Variants in BMP7 observed in about 807,000 individuals in gnomAD.
The protein encoded by BMP7 is osteogenic protein 1.
A neutral mutation model predicts 41.2 loss-of-function variants in BMP7; 12 were observed. The ratio of observed to expected loss-of-function variants is 0.29; its 90% confidence interval spans 0.19 to 0.47. The LOEUF (loss-of-function observed/expected upper bound fraction) is 0.47. BMP7 is among the 20% of genes least tolerant of loss of function. The pLI is 0.99. For missense variants in BMP7, 467 were observed against 606.0 expected (o/e 0.77, Z 2.41); for synonymous variants, 248 against 250.0 (o/e 0.99, Z 0.07).
intron 2 of BMP7, among the ~76,000 whole-genome samples, chr20:57,216,542 C>CTGAGGGCGAGGGGCTGTCTCT (rs1415002751): frequency 2.0e-5 from 3 of 148,062 alleles, no homozygotes; most frequent in East Asian, 2.0e-4. Context: ...GGGCTGTCTC[C>CTGAGGGCGAGGGGCTGTCTCT]TGAGGGCGAG....
intron 2 of BMP7, among the ~76,000 whole-genome samples, chr20:57,226,824 C>CTTTTTTT (rs36113686): frequency 8.1e-6 from 1 of 123,182 alleles, no homozygotes; most frequent in African/African-American, 3.2e-5. Context: ...TACTCAAAAA[C>CTTTTTTT]TTTTTTTTTT....
chr20:57,228,354 C>G lies in BMP7; in HGVS notation c.486G>C (p.Lys162Asn). ...CCGTGACAGCTTCCCCTTCTGGGAT[C>G]TTGGAAAGATCAAACCGGAACTCTC... ...HHREFRFDLSKIPEGEAVTAA... is the reference protein window; with the variant it reads ...HHREFRFDLSNIPEGEAVTAA... Residue 162 changes from lysine to asparagine, a missense_variant, in exon 2 of 7, where the codon AAG (lysine) becomes AAC (asparagine). By Grantham distance (94) the Lys-to-Asn change is moderately conservative. Transcript: ENST00000395863. This position sits in a 1 kb window ranked among gnomAD's most constrained non-coding sequence, Gnocchi z 4.5. 1 of 1,614,140 alleles carries G rather than the reference C, an allele frequency of 6.2e-7. No individual in the cohort carries two copies. The highest frequency in any genetic ancestry group is 8.5e-7 in the Non-Finnish European group (1 of 1,180,024).
intron 1 of BMP7, among the ~76,000 whole-genome samples, chr20:57,245,093 G>C (rs751982874): frequency 3.3e-5 from 5 of 152,112 alleles, no homozygotes; most frequent in Non-Finnish European, 7.3e-5. Context: ...ACAGTAATCA[G>C]CTTCATTTCT....
chr20:57,223,282 C>T (rs1438518923), intron 2 of BMP7, among the ~76,000 whole-genome samples: 2 of 152,016 alleles, frequency 1.3e-5, no homozygotes, highest in African/African-American at 2.4e-5. Flanking sequence ...TGTAAGACAG[C>T]TCATGGGTGA....
At chr20:57,220,976 T>C (rs997647560) in intron 2 of BMP7, among the ~76,000 whole-genome samples, 4 of 152,190 alleles carry the variant, frequency 2.6e-5, no homozygotes, top group Non-Finnish European at 5.9e-5. Context: ...CCAGACCATG[T>C]GGTCTGTGAA....
At chr20:57,251,889 G>A (rs565218137) in intron 1 of BMP7, among the ~76,000 whole-genome samples, 2 of 152,132 alleles carry the variant, frequency 1.3e-5, no homozygotes, top group African/African-American at 2.4e-5. Context: ...AGCCGGGATC[G>A]CGCCACCGCA....
At chr20:57,234,607 T>C (rs977900433) in intron 1 of BMP7, among the ~76,000 whole-genome samples, 4 of 151,998 alleles carry the variant, frequency 2.6e-5, no homozygotes, top group African/African-American at 9.7e-5. Flanking sequence ...ACAAGCCCAA[T>C]TGTATACACA....
chr20:57,239,382 T>C (rs1037374127), intron 1 of BMP7, among the ~76,000 whole-genome samples: 12 of 152,226 alleles, frequency 7.9e-5, no homozygotes, highest in African/African-American at 2.9e-4. Flanking sequence ...TGGCTTCCCA[T>C]GGTCTTAGGC....
rs1195673158 is a variant in BMP7, at chr20:57,173,282, G to C, written c.1064C>G (p.Ala355Gly). The part of the protein sequence containing the change: ...QDWIIAPEGY[A>G]AYYCEGECAF... Reference sequence around the variant, plus strand: ...ACACTCCCCCTCACAGTAGTAGGCGGCGTAGCCTTCAGGCGCGATGATCCA... The same window carrying C: ...ACACTCCCCCTCACAGTAGTAGGCGCCGTAGCCTTCAGGCGCGATGATCCA... The change falls in exon 6 of 7, where the codon GCC (alanine) becomes GGC (glycine). Residue 355 changes from alanine (A) to glycine (G), a missense_variant. Transcript: ENST00000395863. 6.2e-7 allele frequency: 1 copy of C among 1,614,200 alleles called. No homozygotes were observed. The highest frequency in any genetic ancestry group is 1.1e-5 in the South Asian group (1 of 91,090).
At position 57,213,911 on chromosome 20, in the gene BMP7, A is replaced by G. The variant is rs1027552580; in HGVS notation, c.612-11288T>C. 6.6e-6 allele frequency among the ~76,000 whole-genome samples: 1 copy of G among 152,218 alleles called. No homozygotes were observed. Among genetic ancestry groups the G allele is most frequent in the African/African-American group, 2.4e-5 (1 of 41,454 alleles). On this transcript the variant is annotated intron_variant, in intron 2 of 6. Coordinates refer to ENST00000395863, the MANE Select transcript of BMP7 (RefSeq NM_001719.3). This position sits in a 1 kb window ranked among gnomAD's most constrained non-coding sequence, Gnocchi z 4.4. ...ATGAGTTAAATGGAAAGATATGCTC[A>G]AGATGCCAGCGCAAAGCCAGAGACT...
chr20:57,247,202 A>G (rs1456146344), intron 1 of BMP7, among the ~76,000 whole-genome samples: 1 of 152,222 alleles, frequency 6.6e-6, no homozygotes, highest in Non-Finnish European at 1.5e-5. Flanking sequence ...CTGATTCATG[A>G]GTGAACATGT....
chr20:57,216,976 C>T (rs1186272877), intron 2 of BMP7, among the ~76,000 whole-genome samples: 2 of 152,136 alleles, frequency 1.3e-5, no homozygotes, highest in African/African-American at 4.8e-5. Flanking sequence ...GAGGATCCCT[C>T]TTATGTCCAG....
Position 57,171,085 on chromosome 20 carries a change from C to G in BMP7, c.1170G>C (p.Thr390=). Residue 390 remains threonine, a synonymous_variant, in exon 7 of 7, where the codon ACG becomes ACC. Coordinates refer to ENST00000395863, the MANE Select transcript of BMP7 (RefSeq NM_001719.3). The surrounding 1 kb of genome is among the most constrained non-coding windows in gnomAD (Gnocchi z 4.5). ...QTLVHFINPE[T]VPKPCCAPTQ... ...TGGGCGCACAGCAGGGCTTGGGCAC[C>G]GTTTCCGGGTTGATGAAGTGGACCT... 1 of 1,614,178 alleles carries G rather than the reference C, an allele frequency of 6.2e-7. No individual in the cohort carries two copies. Among genetic ancestry groups the G allele is most frequent in the Non-Finnish European group, 8.5e-7 (1 of 1,180,040 alleles).
At chr20:57,202,066 C>T (rs916961364) in intron 3 of BMP7, among the ~76,000 whole-genome samples, 1 of 152,112 alleles carries the variant, frequency 6.6e-6, no homozygotes, top group Non-Finnish European at 1.5e-5. Context: ...AGTAAGAGAC[C>T]GGGGACGCTG....
chr20:57,232,206 C>A (rs918799235), intron 1 of BMP7, among the ~76,000 whole-genome samples: 1 of 152,188 alleles, frequency 6.6e-6, no homozygotes, highest in African/African-American at 2.4e-5. Context: ...GTGTTCCCCT[C>A]CCCCTGGAGA....
intron 1 of BMP7, among the ~76,000 whole-genome samples, chr20:57,249,437 A>T (rs1230739899): frequency 6.6e-6 from 1 of 152,122 alleles, no homozygotes; most frequent in Non-Finnish European, 1.5e-5. Flanking sequence ...CTGCATAACG[A>T]AACAGCTTCC....
intron 2 of BMP7, among the ~76,000 whole-genome samples, chr20:57,222,641 C>T (rs1207885695): frequency 6.6e-6 from 1 of 152,072 alleles, no homozygotes; most frequent in Non-Finnish European, 1.5e-5. Flanking sequence ...CCAGGACATC[C>T]TGGAAGTTCC....
chr20:57,249,448 C>T (rs2066103587), intron 1 of BMP7, among the ~76,000 whole-genome samples: 2 of 152,096 alleles, frequency 1.3e-5, no homozygotes, highest in African/African-American at 2.4e-5. Context: ...AACAGCTTCC[C>T]ATGGAAATTC....
chr20:57,256,646 T>C (rs910443018), intron 1 of BMP7, among the ~76,000 whole-genome samples: 3 of 152,248 alleles, frequency 2.0e-5, no homozygotes, highest in Non-Finnish European at 4.4e-5. Context: ...GGCGGGTGGA[T>C]AAAACCTGAG....
Sources: gnomAD v4.1 joint callset for allele counts (sites outside exome capture counted in the v4.1 genomes callset) on GRCh38, gnomAD v4.1.1 for gene constraint, Gnocchi (gnomAD v3.1) non-coding constraint, MANE v1.5 for transcripts, NCBI Gene and HGNC (gene_info 2026-07-23, HGNC 2026-07-21) for gene names.